Variants in UBAP1L observed in about 807,000 individuals in gnomAD.
The protein encoded by UBAP1L is ubiquitin associated protein 1 like, also known as ubiquitin-associated protein 1-like.
Under a neutral mutation model 32.1 loss-of-function variants are expected in UBAP1L, and 32 were observed. That is an observed-to-expected ratio of 1.00 (90% CI 0.75 to 1.34). The LOEUF is 1.34. Among genes scored for constraint, UBAP1L ranks in the 40% most tolerant of loss-of-function variants. The pLI is 0.00. For missense variants in UBAP1L, 516 were observed against 540.5 expected, an observed-to-expected ratio of 0.95 and a Z score of 0.45; for synonymous variants, 243 against 250.2, an observed-to-expected ratio of 0.97 and a Z score of 0.27.
At chr15:65,097,590 G>A (rs552827716) in intron 4 of UBAP1L, 2 of 152,308 alleles carry the variant, frequency 1.3e-5, no homozygotes, top group Admixed American at 1.3e-4. Flanking sequence ...TGGTCATAAT[G>A]TAATAGCAAC....
At chr15:65,099,847 A>G in intron 3 of UBAP1L, 133 bp from the exon 4 acceptor site, 1 of 726,280 alleles carries the variant, frequency 1.4e-6, no homozygotes, top group Non-Finnish European at 2.2e-6. Flanking sequence ...GAGGGCTTAG[A>G]GTCCTGCAGA....
At chr15:65,114,560 T>A (rs1402892646) in intron 1 of UBAP1L, among the ~76,000 whole-genome samples, 2 of 152,236 alleles carry the variant, frequency 1.3e-5, no homozygotes, top group Non-Finnish European at 2.9e-5. Flanking sequence ...TTGTCTCTAA[T>A]GACTCTGTTA....
rs1045028347 is a variant in UBAP1L at position 65,092,981 on chromosome 15, T to C, written c.*116A>G. On this transcript the variant is annotated 3_prime_UTR_variant, in exon 6 of 6. Coordinates refer to ENST00000559089, the MANE Select transcript of UBAP1L (RefSeq NM_001163692.2). ...TCACCCTTGGTATTATTTGTGTTTTTACAATAAGTATGCATCACTTTGTTA... is the reference window on the plus strand; with the variant it reads ...TCACCCTTGGTATTATTTGTGTTTTCACAATAAGTATGCATCACTTTGTTA... 2.6e-5 allele frequency: 34 copies of C among 1,332,210 alleles called. No individual in the cohort carries two copies. In the Admixed American group the frequency reaches 3.1e-4, roughly 12 times the overall value. The allele number at this position is 1,332,210 out of a possible 1,614,324, so 82.5% of individuals were successfully genotyped here.
At chr15:65,108,293 A>C (rs1003388051) in intron 1 of UBAP1L, among the ~76,000 whole-genome samples, 6 of 152,108 alleles carry the variant, frequency 3.9e-5, no homozygotes, top group Admixed American at 2.0e-4. Flanking sequence ...AAAAAAAAAA[A>C]CAAAAACAAT....
chr15:65,094,233 C>T lies in UBAP1L; in HGVS notation c.1011+242G>A, dbSNP rs1049814462. 1.3e-5 allele frequency among the ~76,000 whole-genome samples: 2 copies of T among 152,180 alleles called. No homozygotes were observed. Among genetic ancestry groups the T allele is most frequent in the African/African-American group, 4.8e-5 (2 of 41,434 alleles). On this transcript the variant is annotated intron_variant, in intron 5 of 5. Coordinates refer to ENST00000559089, the MANE Select transcript of UBAP1L (RefSeq NM_001163692.2). This position sits in a 1 kb window ranked among gnomAD's most constrained non-coding sequence, Gnocchi z 4.2. ...CTAATAAAGCAAAACCCCTGCTGCT[C>T]TCTGCCTCCTGTCCCCGTCCCACCT... is the stretch of plus-strand genomic sequence containing the variant.
At chr15:65,107,701 T>C (rs1452934838) in intron 1 of UBAP1L, among the ~76,000 whole-genome samples, 5 of 135,784 alleles carry the variant, frequency 3.7e-5, no homozygotes, top group African/African-American at 1.1e-4. Flanking sequence ...ATCACACAAT[T>C]GCACTCCAGC....
chr15:65,106,282 C>A lies in UBAP1L; in HGVS notation c.-67G>T. 1.3e-6 allele frequency: 2 copies of A among 1,486,088 alleles called. No homozygotes were observed. Among genetic ancestry groups the A allele is most frequent in the Admixed American group, 2.6e-5 (1 of 38,374 alleles). 92.1% of individuals were successfully genotyped at this position (1,486,088 alleles called of 1,614,324 possible). ...CTGCTTGATGGCAGGGAGAGAGAGT[C>A]GAGTCCTGAGGACCAGGCTCAGGCC... On this transcript the variant is annotated 5_prime_UTR_variant, in exon 2 of 6. Transcript: ENST00000559089.
rs2087155862 is a variant in UBAP1L, at chr15:65,094,781, G to A, written c.910-205C>T. 1 of 594,792 alleles carries A rather than the reference G, an allele frequency of 1.7e-6. No homozygotes were observed. Among genetic ancestry groups the A allele is most frequent in the Non-Finnish European group, 3.0e-6 (1 of 331,066 alleles). 36.8% of individuals were successfully genotyped at this position (594,792 alleles called of 1,614,324 possible). A position where few individuals can be genotyped will look rare whatever the true frequency, so the allele number is the denominator to read the frequency against. On this transcript the variant is annotated intron_variant, in intron 4 of 5. Coordinates refer to ENST00000559089, the MANE Select transcript of UBAP1L (RefSeq NM_001163692.2). The surrounding 1 kb of genome is among the most constrained non-coding windows in gnomAD (Gnocchi z 4.2). ...GTGCCTGGCGATAGGCAGACAATGG[G>A]TCTTCACCAACTATGCCAAGCTGGG... is the stretch of plus-strand genomic sequence containing the variant.
intron 1 of UBAP1L, among the ~76,000 whole-genome samples, chr15:65,110,086 C>T (rs2919340): frequency 0.029 from 4,401 of 152,250 alleles, 219 homozygotes; most frequent in African/African-American, 0.1. Context: ...ATCGGCCGGG[C>T]GCGGTGGCTC....
rs138296314 is a variant in UBAP1L, at chr15:65,099,299, T to C, written c.909+206A>G. 1.6e-3 allele frequency: 926 copies of C among 582,510 alleles called. 7 individuals are homozygous for C. The highest frequency in any genetic ancestry group is 0.015 in the African/African-American group (826 of 53,554). The allele number at this position is 582,510 out of a possible 1,614,324, so 36.1% of individuals were successfully genotyped here. On this transcript the variant is annotated intron_variant, in intron 4 of 5. Transcript: ENST00000559089. ...TACCTCAGGTCACCCCCTTCCCACA[T>C]GCAATGACTGATTGAGGCAGGGGTA... is the stretch of plus-strand genomic sequence containing the variant.
intron 4 of UBAP1L, chr15:65,096,444 A>G (rs894447659): frequency 3.9e-5 from 6 of 152,086 alleles, no homozygotes; most frequent in African/African-American, 1.4e-4. Context: ...CCATCTGCAA[A>G]TTTTCTAAAA....
intron 3 of UBAP1L, chr15:65,101,695 C>T (rs531087271): frequency 4.5e-5 from 7 of 155,726 alleles, no homozygotes; most frequent in Non-Finnish European, 9.9e-5. Flanking sequence ...ATTTGCGTTG[C>T]GTTCATCAAT....
intron 5 of UBAP1L, 60 bp from the exon 6 acceptor site, chr15:65,093,291 G>A (rs1317639742): frequency 4.8e-6 from 7 of 1,467,248 alleles, no homozygotes; most frequent in Non-Finnish European, 6.3e-6. Context: ...CTCAGCCATG[G>A]GGAGCCCCAG....
In UBAP1L at chr15:65,102,287, G is replaced by T. The variant is rs1035049904; in HGVS notation, c.518C>A (p.Ala173Asp). 2.9e-5 allele frequency: 40 copies of T among 1,389,470 alleles called. No homozygotes were observed. The African/African-American group carries it at 5.9e-4, about 20-fold the overall frequency. The allele number at this position is 1,389,470 out of a possible 1,614,324, so 86.1% of individuals were successfully genotyped here. ...SEGKLVSRPRALLHGLRGHRA... is the reference protein window; with the variant it reads ...SEGKLVSRPRDLLHGLRGHRA... ...GTGGCCGCGGAGGCCATGCAGGAGG[G>T]CGCGGGGCCGGGAGACCAGCTTCCC... The change falls in exon 3 of 6, where the codon GCC (alanine) becomes GAC (aspartate). Residue 173 changes from alanine (A) to aspartate (D), a missense_variant. Physicochemically the swap from Ala to Asp is moderately radical, Grantham distance 126. Transcript: ENST00000559089. The surrounding 1 kb of genome is among the most constrained non-coding windows in gnomAD (Gnocchi z 5.0).
rs1175200156 is a variant in UBAP1L, at chr15:65,102,105, C to CTTG, written c.699_699+1insCAA (p.Ala233_Ser234insGln). 8.3e-7 allele frequency: 1 copy of CTTG among 1,200,406 alleles called. No homozygotes were observed. Among genetic ancestry groups the CTTG allele is most frequent in the African/African-American group, 1.6e-5 (1 of 63,056 alleles). The allele number at this position is 1,200,406 out of a possible 1,614,324, so 74.4% of individuals were successfully genotyped here. On this transcript the variant is annotated inframe_insertion and splice_region_variant. Transcript: ENST00000559089. The surrounding 1 kb of genome is among the most constrained non-coding windows in gnomAD (Gnocchi z 5.0). ...CTTGGAGGGGCGGGCAGAATCCTTA[C>CTTG]CGCGACCGTAGGCTTGTGGCTCCGC... is the stretch of plus-strand genomic sequence containing the variant.
intron 1 of UBAP1L, among the ~76,000 whole-genome samples, chr15:65,112,773 C>G (rs1241752833): frequency 6.6e-6 from 1 of 152,126 alleles, no homozygotes; most frequent in Non-Finnish European, 1.5e-5. Context: ...TTTTCCCTTC[C>G]CCAAACTGCT....
chr15:65,095,887 G>C (rs1052114143), intron 4 of UBAP1L: 2 of 152,250 alleles, frequency 1.3e-5, no homozygotes, highest in Non-Finnish European at 2.9e-5. Flanking sequence ...CAGTGCTCCT[G>C]GCCGAGGTAC....
intron 2 of UBAP1L, chr15:65,105,826 C>CT: frequency 1.4e-6 from 1 of 703,220 alleles, no homozygotes; most frequent in Non-Finnish European, 2.6e-6. Context: ...AAGTCTCACT[C>CT]TGTCGCCAGG....
At chr15:65,099,263 A>C in intron 4 of UBAP1L, 2 of 518,012 alleles carry the variant, frequency 3.9e-6, no homozygotes. Context: ...CCTTAACTGC[A>C]GAGATCCACT....
Sources: gnomAD v4.1 joint callset for allele counts (sites outside exome capture counted in the v4.1 genomes callset) on GRCh38, gnomAD v4.1.1 for gene constraint, Gnocchi (gnomAD v3.1) non-coding constraint, MANE v1.5 for transcripts, NCBI Gene and HGNC (gene_info 2026-07-23, HGNC 2026-07-21) for gene names.